Variants in FMN1 observed in about 807,000 individuals in gnomAD.
FMN1 encodes the protein formin 1.
In FMN1, 110 loss-of-function variants were observed where a neutral mutation model predicts 132.4. The observed-to-expected ratio is 0.83, with a 90% CI of 0.71 to 0.97. The LOEUF is 0.97. FMN1 is among the 50% of genes least tolerant of loss of function. The probability of loss-of-function intolerance (pLI) is 0.00; values close to 1 mark genes in which losing one functional copy is unlikely to be tolerated. For missense variants in FMN1, 1,792 were observed against 1,705.3 expected, an observed-to-expected ratio of 1.05 and a Z score of -0.90; for synonymous variants, 722 against 651.7, an observed-to-expected ratio of 1.11 and a Z score of -1.64.
intron 4 of FMN1, among the ~76,000 whole-genome samples, chr15:33,124,822 G>GA (rs769990089): frequency 6.0e-5 from 9 of 149,810 alleles, no homozygotes; most frequent in Non-Finnish European, 1.0e-4. Flanking sequence ...AATACTAGAT[G>GA]AAAAAAATGC....
intron 16 of FMN1, among the ~76,000 whole-genome samples, chr15:32,872,414 C>T (rs1394047838): frequency 6.6e-6 from 1 of 152,202 alleles, no homozygotes; most frequent in Non-Finnish European, 1.5e-5. Context: ...AGCTAGAACG[C>T]CTCACTCCTC....
rs1567194049 is a variant in FMN1, at chr15:32,804,343, T to A, written c.3929-11A>T. 6.5e-7 allele frequency: 1 copy of A among 1,539,216 alleles called. No homozygotes were observed. Among genetic ancestry groups the A allele is most frequent in the Admixed American group, 2.0e-5 (1 of 50,440 alleles). On this transcript the variant is annotated splice_polypyrimidine_tract_variant and intron_variant, in intron 17 of 20. Coordinates refer to ENST00000616417, the MANE Select transcript of FMN1 (RefSeq NM_001277313.2). ...TATGCTCTTTTTTGGCTGTAAAAGA[T>A]AAATCATGATTAAAAATTTTTTCTT...
At chr15:32,994,347 A>G (rs1332915636) in intron 7 of FMN1, among the ~76,000 whole-genome samples, 1 of 152,028 alleles carries the variant, frequency 6.6e-6, no homozygotes, top group African/African-American at 2.4e-5. Context: ...CTCCAGAGCT[A>G]CATTTCCCAC....
intron 4 of FMN1, among the ~76,000 whole-genome samples, chr15:33,114,171 A>G (rs993700840): frequency 3.3e-5 from 5 of 152,160 alleles, no homozygotes; most frequent in African/African-American, 1.2e-4. Context: ...CCTGCCCTTT[A>G]TATCTCAATG....
At chr15:32,928,228 T>C (rs1376811770) in intron 9 of FMN1, among the ~76,000 whole-genome samples, 1 of 152,114 alleles carries the variant, frequency 6.6e-6, no homozygotes, top group Non-Finnish European at 1.5e-5. Flanking sequence ...AGCATGTCAA[T>C]ATTCGCCTTA....
Position 32,778,179 on chromosome 15 carries a change from TA to T in FMN1, c.4131-1261del, listed in dbSNP as rs1335918532. On this transcript the variant is annotated intron_variant, in intron 19 of 20. Transcript: ENST00000616417. The stretch of plus-strand genomic sequence containing the variant: ...TTTATTATATATTATATAATACATT[TA>T]TTTATATATTATATAATACATTTAT... Among the ~76,000 whole-genome samples the T allele has an allele frequency of 1.2e-4, 12 of 100,318 alleles. 2 individuals are homozygous for T. The East Asian group carries it at 1.7e-3, about 14-fold the overall frequency. 65.8% of individuals were successfully genotyped at this position (100,318 alleles called of 152,430 possible).
chr15:32,814,333 C>A (rs2057985265), intron 17 of FMN1, among the ~76,000 whole-genome samples: 1 of 152,172 alleles, frequency 6.6e-6, no homozygotes, highest in Non-Finnish European at 1.5e-5. Context: ...ATACATAAAT[C>A]TATTTCCTTG....
chr15:33,033,188 A>G (rs921863717), intron 6 of FMN1, among the ~76,000 whole-genome samples: 14 of 151,842 alleles, frequency 9.2e-5, no homozygotes, highest in African/African-American at 1.9e-4. Context: ...CCGCCACCAC[A>G]CGCGGCTAAT....
chr15:32,969,269 G>GTC lies in FMN1; in HGVS notation c.2430_2431dup (p.Thr811ArgfsTer19). On this transcript the variant is annotated frameshift_variant, in exon 8 of 21. Transcript: ENST00000616417. LOFTEE classifies it high-confidence loss of function. ...TTCACTTTCACAGGGCTTGAGGAAG[G>GTC]TCTCTCTGTCTGTCTGGACGCACAC... 2 of 1,613,922 alleles carry GTC rather than the reference G, an allele frequency of 1.2e-6. No individual in the cohort carries two copies. The highest frequency in any genetic ancestry group is 1.7e-6 in the Non-Finnish European group (2 of 1,179,890).
chr15:33,181,020 G>T (rs546254773), intron 2 of FMN1, among the ~76,000 whole-genome samples: 2 of 152,090 alleles, frequency 1.3e-5, no homozygotes, highest in African/African-American at 4.8e-5. Flanking sequence ...CAAAGTGCTG[G>T]GATTACAGGC....
At chr15:33,030,135 G>A (rs2035867460) in intron 6 of FMN1, among the ~76,000 whole-genome samples, 1 of 152,226 alleles carries the variant, frequency 6.6e-6, no homozygotes, top group Non-Finnish European at 1.5e-5. Flanking sequence ...TCCAGCCTGG[G>A]CGACAGAGCA....
chr15:33,139,320 G>A (rs12901347), intron 4 of FMN1, among the ~76,000 whole-genome samples: 67,418 of 151,982 alleles, frequency 0.44, 16,025 homozygotes, highest in South Asian at 0.55. Context: ...TTGTTGGCCG[G>A]GCACGGTGGC....
At chr15:32,997,964 T>A (rs918228159) in intron 7 of FMN1, among the ~76,000 whole-genome samples, 1 of 152,142 alleles carries the variant, frequency 6.6e-6, no homozygotes, top group African/African-American at 2.4e-5. Context: ...ATGAAAAAAA[T>A]AAATGTTACT....
chr15:33,068,775 A>C (rs2037867668), intron 5 of FMN1, among the ~76,000 whole-genome samples: 2 of 152,144 alleles, frequency 1.3e-5, no homozygotes. Flanking sequence ...AGTGCTCTAC[A>C]AACAGGTATT....
At chr15:33,080,210 T>C (rs903310213) in intron 5 of FMN1, among the ~76,000 whole-genome samples, 2 of 152,168 alleles carry the variant, frequency 1.3e-5, no homozygotes, top group Non-Finnish European at 2.9e-5. Context: ...AATACAAAAA[T>C]GCGGCCCTCT....
chr15:32,928,966 G>A (rs1233928100), intron 9 of FMN1, among the ~76,000 whole-genome samples: 1 of 152,186 alleles, frequency 6.6e-6, no homozygotes, highest in Non-Finnish European at 1.5e-5. Flanking sequence ...TGAGTAAAAT[G>A]AGGCAAATCT....
At chr15:32,785,135 GGTGTGTGTGTGTGTGTGTATACGTACGT>G in intron 19 of FMN1, among the ~76,000 whole-genome samples, 1 of 137,730 alleles carries the variant, frequency 7.3e-6, no homozygotes, top group Non-Finnish European at 1.6e-5. Flanking sequence ...TGATGCTAGG[GGTGTGTGTGTGTGTGTGTATACGTACGT>G]GTGTGTGTGT....
Position 33,154,079 on chromosome 15 carries a change from T to A in FMN1, c.836A>T (p.Asp279Val). 6.5e-7 allele frequency: 1 copy of A among 1,535,992 alleles called. No individual in the cohort carries two copies. The highest frequency in any genetic ancestry group is 1.4e-5 in the African/African-American group (1 of 73,112). ...CCCGCTCGGCGGCCTCCGAATGCCA[T>A]CCCCTCCTGCCTCTGTGGAGCTGCA... ...PDCSSTEAGG[D>V]GIRRPPSGLE... The change falls in exon 4 of 21, where the codon GAT (aspartate) becomes GTT (valine). Residue 279 changes from aspartate to valine, a missense_variant. Around this residue, in one of 3 missense-constraint regions of FMN1, gnomAD observed 638 missense variants for 645.2 expected, o/e 0.99. Transcript: ENST00000616417.
chr15:33,186,697 C>T (rs111493840), intron 2 of FMN1, among the ~76,000 whole-genome samples: 11 of 152,026 alleles, frequency 7.2e-5, no homozygotes, highest in Non-Finnish European at 1.0e-4. Context: ...CTCTTGGTTG[C>T]GAGCAAATGA....
Sources: gnomAD v4.1 joint callset for allele counts (sites outside exome capture counted in the v4.1 genomes callset) on GRCh38, gnomAD v4.1.1 for gene constraint, gnomAD v4.1.1 regional missense constraint, MANE v1.5 for transcripts, NCBI Gene and HGNC (gene_info 2026-07-23, HGNC 2026-07-21) for gene names.